Variants in INPP4B observed in about 807,000 individuals in gnomAD.
INPP4B encodes inositol polyphosphate-4-phosphatase type II B.
Under a neutral mutation model 122.5 loss-of-function variants are expected in INPP4B, and 55 were observed. The observed-to-expected ratio is 0.45, with a 90% CI of 0.36 to 0.56. INPP4B has a LOEUF of 0.56. INPP4B is among the 20% of genes least tolerant of loss of function. INPP4B has a pLI of 0.00. For synonymous variants in INPP4B, 403 were observed against 388.7 expected (o/e 1.04, Z -0.43); for missense variants, 1,000 against 1,097.7 (o/e 0.91, Z 1.26).
chr4:142,727,411 C>T (rs1246102961), intron 1 of INPP4B, among the ~76,000 whole-genome samples: 1 of 152,152 alleles, frequency 6.6e-6, no homozygotes, highest in Admixed American at 6.5e-5. Context: ...GAAGAAACCA[C>T]AGCAAACAAA....
At chr4:142,335,872 C>T (rs1396900576) in intron 7 of INPP4B, among the ~76,000 whole-genome samples, 2 of 152,224 alleles carry the variant, frequency 1.3e-5, no homozygotes, top group Admixed American at 6.5e-5. Context: ...GGGCAGGTCA[C>T]CAGTGAAACC....
intron 12 of INPP4B, among the ~76,000 whole-genome samples, chr4:142,235,650 C>T (rs985548943): frequency 2.6e-5 from 4 of 152,196 alleles, no homozygotes; most frequent in Non-Finnish European, 5.9e-5. Context: ...TGGTCTCGAT[C>T]TCCTGACCTT....
intron 2 of INPP4B, among the ~76,000 whole-genome samples, chr4:142,634,658 C>G (rs1463330002): frequency 6.6e-6 from 1 of 151,900 alleles, no homozygotes; most frequent in East Asian, 1.9e-4. Context: ...TTCTTAGAAG[C>G]TCTCATTAAT....
intron 15 of INPP4B, among the ~76,000 whole-genome samples, chr4:142,189,583 T>A (rs1834813882): frequency 6.6e-6 from 1 of 152,062 alleles, no homozygotes; most frequent in Non-Finnish European, 1.5e-5. Context: ...AAGGGTGAAA[T>A]CTTCACATGG....
chr4:142,156,139 T>G lies in INPP4B; in HGVS notation c.1563+4219A>C, dbSNP rs578060488. Among the ~76,000 whole-genome samples the G allele has an allele frequency of 1.1e-3, 165 of 151,746 alleles. 1 individual carries two copies. Among genetic ancestry groups the G allele is most frequent in the Non-Finnish European group, 1.7e-3 (113 of 67,826 alleles). On this transcript the variant is annotated intron_variant, in intron 17 of 25. Coordinates refer to ENST00000262992, the MANE Select transcript of INPP4B (RefSeq NM_001101669.3). The stretch of plus-strand genomic sequence containing the variant: ...GAAATGTAGATCAATTAAAAATGGG[T>G]TTTGTGTCTGTCTAAATACTAAGAA...
chr4:142,526,644 G>A (rs1215795169), intron 2 of INPP4B, among the ~76,000 whole-genome samples: 2 of 152,204 alleles, frequency 1.3e-5, no homozygotes, highest in Non-Finnish European at 2.9e-5. Context: ...TGTAACATCC[G>A]TAAATCCATG....
At chr4:142,282,344 G>A (rs1329256927) in intron 9 of INPP4B, among the ~76,000 whole-genome samples, 1 of 152,056 alleles carries the variant, frequency 6.6e-6, no homozygotes, top group Non-Finnish European at 1.5e-5. Context: ...TAGATAGGTG[G>A]GGAAGAAAGG....
chr4:142,338,053 T>A (rs1183583681), intron 7 of INPP4B, among the ~76,000 whole-genome samples: 1 of 152,114 alleles, frequency 6.6e-6, no homozygotes, highest in Non-Finnish European at 1.5e-5. Flanking sequence ...TTCAACTATA[T>A]CAATCCAGAA....
At chr4:142,341,862 A>G (rs1475938521) in intron 7 of INPP4B, among the ~76,000 whole-genome samples, 1 of 152,124 alleles carries the variant, frequency 6.6e-6, no homozygotes, top group East Asian at 1.9e-4. Flanking sequence ...TCAGTCATAC[A>G]GCCAAAAAGA....
At chr4:142,718,093 G>A (rs991121136) in intron 2 of INPP4B, among the ~76,000 whole-genome samples, 2 of 152,020 alleles carry the variant, frequency 1.3e-5, no homozygotes, top group South Asian at 2.1e-4. Flanking sequence ...TAGCTACAAG[G>A]CAACATCTGG....
intron 2 of INPP4B, among the ~76,000 whole-genome samples, chr4:142,572,399 G>C (rs1217786871): frequency 2.6e-5 from 4 of 152,186 alleles, no homozygotes; most frequent in South Asian, 2.1e-4. Context: ...ACTGACACTG[G>C]TGTAGTGGTC....
chr4:142,102,860 A>G (rs1785161405), intron 23 of INPP4B, among the ~76,000 whole-genome samples: 1 of 151,848 alleles, frequency 6.6e-6, no homozygotes, highest in South Asian at 2.1e-4. Flanking sequence ...CATAACTTCC[A>G]CCCTGAAATT....
chr4:142,619,983 GT>G (rs1374409991), intron 2 of INPP4B, among the ~76,000 whole-genome samples: 1 of 151,900 alleles, frequency 6.6e-6, no homozygotes, highest in Admixed American at 6.6e-5. Flanking sequence ...ACCTAACCTC[GT>G]TTTTTAAAGA....
At chr4:142,421,114 T>A (rs545398180) in intron 5 of INPP4B, among the ~76,000 whole-genome samples, 1 of 152,264 alleles carries the variant, frequency 6.6e-6, no homozygotes, top group Non-Finnish European at 1.5e-5. Flanking sequence ...CAAGTTGGCA[T>A]CATACTCCTA....
At chr4:142,136,621 C>T (rs1367350609) in intron 18 of INPP4B, among the ~76,000 whole-genome samples, 3 of 152,062 alleles carry the variant, frequency 2.0e-5, no homozygotes, top group Admixed American at 1.3e-4. Flanking sequence ...GAGGATGAGG[C>T]AGGGTGAGGT....
chr4:142,694,248 C>T (rs1388504919), intron 2 of INPP4B, among the ~76,000 whole-genome samples: 1 of 151,724 alleles, frequency 6.6e-6, no homozygotes, highest in Non-Finnish European at 1.5e-5. Context: ...TGGTACACGT[C>T]TGTAATCCCA....
At chr4:142,401,079 C>T (rs920524423) in intron 7 of INPP4B, among the ~76,000 whole-genome samples, 82 of 152,116 alleles carry the variant, frequency 5.4e-4, no homozygotes, top group African/African-American at 1.8e-3. Flanking sequence ...ATTTAATCAG[C>T]GGCTTTGCAG....
At chr4:142,070,768 T>C (rs1220757851) in intron 25 of INPP4B, among the ~76,000 whole-genome samples, 1 of 152,074 alleles carries the variant, frequency 6.6e-6, no homozygotes, top group Non-Finnish European at 1.5e-5. Context: ...TACCTAGGAA[T>C]CCAAGTTACA....
intron 2 of INPP4B, among the ~76,000 whole-genome samples, chr4:142,505,432 G>T (rs187099411): frequency 3.0e-4 from 46 of 152,180 alleles, no homozygotes; most frequent in African/African-American, 1.1e-3. Flanking sequence ...CACGGGCTTT[G>T]GTGCTGGATA....
Sources: gnomAD v4.1 joint callset for allele counts (sites outside exome capture counted in the v4.1 genomes callset) on GRCh38, gnomAD v4.1.1 for gene constraint, MANE v1.5 for transcripts, NCBI Gene and HGNC (gene_info 2026-07-23, HGNC 2026-07-21) for gene names.